Variants in SAMMSON observed in about 807,000 individuals in gnomAD.
SAMMSON encodes the protein long intergenic non-protein coding RNA 1212.
chr3:70,030,784 A>G (rs1339996266), intron 3 of SAMMSON: 1 of 152,238 alleles, frequency 6.6e-6, no homozygotes, highest in African/African-American at 2.4e-5. Context: ...TACACATATG[A>G]AAAGATGCTC....
At chr3:70,178,924 C>G (rs1012367081) in intron 4 of SAMMSON, among the ~76,000 whole-genome samples, 1 of 152,048 alleles carries the variant, frequency 6.6e-6, no homozygotes, top group Non-Finnish European at 1.5e-5. Context: ...TCACTTGAGC[C>G]CAGGAGGTCG....
chr3:70,011,679 C>G (rs915642890), intron 1 of SAMMSON, among the ~76,000 whole-genome samples: 1 of 150,750 alleles, frequency 6.6e-6, no homozygotes, highest in Non-Finnish European at 1.5e-5. Flanking sequence ...TATTTCAGTT[C>G]CATTTCTCTG....
At chr3:70,405,814 A>G (rs1701174141) in intron 2 of SAMMSON, among the ~76,000 whole-genome samples, 2 of 152,212 alleles carry the variant, frequency 1.3e-5, no homozygotes, top group African/African-American at 2.4e-5. Context: ...TTCACGTTTT[A>G]TGAGACTATA....
intron 2 of SAMMSON, among the ~76,000 whole-genome samples, chr3:70,415,676 A>G (rs1701259203): frequency 6.6e-6 from 1 of 152,126 alleles, no homozygotes; most frequent in South Asian, 2.1e-4. Context: ...TCAAATTTCA[A>G]ATTTTCTTTA....
At chr3:70,377,152 G>A (rs537661125) in intron 9 of SAMMSON, among the ~76,000 whole-genome samples, 49 of 152,038 alleles carry the variant, frequency 3.2e-4, no homozygotes, top group African/African-American at 1.1e-3. Flanking sequence ...TTTAAAAGGC[G>A]AAATAATCTG....
At position 70,341,509 on chromosome 3, in the gene SAMMSON, C is replaced by G. The variant is rs1211156241; in HGVS notation, n.740-12666C>G. On this transcript the variant is annotated intron_variant and non_coding_transcript_variant, in intron 7 of 9. Coordinates refer to ENST00000642114, the Ensembl canonical transcript of SAMMSON. ...ATCAGGATAAAATAATCTTCTTCCCCTTGACCACTGATGGTTTAAGATTGG... is the reference window on the plus strand; with the variant it reads ...ATCAGGATAAAATAATCTTCTTCCCGTTGACCACTGATGGTTTAAGATTGG... Among the ~76,000 whole-genome samples the G allele has an allele frequency of 4.6e-5, 7 of 152,146 alleles. No homozygotes were observed. In the East Asian group the frequency reaches 1.3e-3, roughly 29 times the overall value.
intron 4 of SAMMSON, among the ~76,000 whole-genome samples, chr3:70,073,750 T>A (rs1002221089): frequency 6.6e-6 from 1 of 152,054 alleles, no homozygotes; most frequent in African/African-American, 2.4e-5. Flanking sequence ...AGTCTAACAT[T>A]ATTTAGAAAG....
intron 6 of SAMMSON, among the ~76,000 whole-genome samples, chr3:70,257,729 A>T (rs1380562551): frequency 6.6e-6 from 1 of 152,200 alleles, no homozygotes; most frequent in Admixed American, 6.5e-5. Flanking sequence ...TAGCATGACA[A>T]TCCTCTGCCA....
At chr3:70,154,649 G>A (rs984754121) in intron 4 of SAMMSON, among the ~76,000 whole-genome samples, 1 of 152,078 alleles carries the variant, frequency 6.6e-6, no homozygotes, top group African/African-American at 2.4e-5. Context: ...GAATGGCCTT[G>A]AACATCAGTC....
intron 2 of SAMMSON, among the ~76,000 whole-genome samples, chr3:70,400,148 T>C (rs1384098489): frequency 1.8e-4 from 28 of 152,294 alleles, no homozygotes; most frequent in African/African-American, 6.5e-4. Flanking sequence ...AAAATACATG[T>C]AATCAAGAAA....
chr3:70,335,408 A>G (rs1189966387), intron 7 of SAMMSON, among the ~76,000 whole-genome samples: 1 of 152,032 alleles, frequency 6.6e-6, no homozygotes, highest in African/African-American at 2.4e-5. Context: ...TTTATAATAT[A>G]CCAGCACACA....
intron 3 of SAMMSON, among the ~76,000 whole-genome samples, chr3:70,038,992 A>G (rs2067096416): frequency 6.6e-6 from 1 of 152,140 alleles, no homozygotes; most frequent in South Asian, 2.1e-4. Flanking sequence ...AGCCTGAGAC[A>G]GGGATGTGGT....
At chr3:70,411,040 C>G (rs1441182989) in intron 2 of SAMMSON, among the ~76,000 whole-genome samples, 1 of 152,116 alleles carries the variant, frequency 6.6e-6, no homozygotes, top group Admixed American at 6.5e-5. Flanking sequence ...GCACAACCGA[C>G]CATCCTTTTA....
At chr3:70,152,112 A>G (rs562947081) in intron 4 of SAMMSON, among the ~76,000 whole-genome samples, 2 of 152,098 alleles carry the variant, frequency 1.3e-5, no homozygotes, top group Admixed American at 6.6e-5. Flanking sequence ...GAGTAAAAAT[A>G]TTTATAAAAT....
At chr3:70,206,743 C>G in intron 4 of SAMMSON, 1 of 397,778 alleles carries the variant, frequency 2.5e-6, no homozygotes, top group East Asian at 3.6e-5. Flanking sequence ...ATAACAATAG[C>G]ATTAATGGGT....
chr3:70,206,910 A>G (rs1218879078), intron 4 of SAMMSON: 1 of 394,596 alleles, frequency 2.5e-6, no homozygotes, highest in Admixed American at 4.4e-5. Context: ...AAGAAAACAA[A>G]TGAAGTATTA....
In SAMMSON at chr3:70,215,329, C is replaced by T. The variant is rs756574027; in HGVS notation, n.508-33778C>T. Among the ~76,000 whole-genome samples the T allele has an allele frequency of 4.6e-4, 70 of 152,136 alleles. 1 individual carries two copies. The Middle Eastern group carries it at 0.01, about 22-fold the overall frequency. Reference sequence around the variant, plus strand: ...CCTATGGCAGTCAGACTTTGCATTTCGAAACTGCTTCAGAAACGAAGCACT... The same window carrying T: ...CCTATGGCAGTCAGACTTTGCATTTTGAAACTGCTTCAGAAACGAAGCACT... On this transcript the variant is annotated intron_variant and non_coding_transcript_variant, in intron 4 of 9. Transcript: ENST00000642114.
intron 4 of SAMMSON, among the ~76,000 whole-genome samples, chr3:70,170,887 T>C (rs1700938016): frequency 6.6e-6 from 1 of 151,926 alleles, no homozygotes; most frequent in African/African-American, 2.4e-5. Flanking sequence ...CATTTTGTTG[T>C]AGGAAATATT....
intron 2 of SAMMSON, among the ~76,000 whole-genome samples, chr3:70,399,070 G>A (rs1359566906): frequency 6.6e-6 from 1 of 152,254 alleles, no homozygotes; most frequent in African/African-American, 2.4e-5. Flanking sequence ...TTTAGTCAGA[G>A]AAATTTACAA....
Sources: gnomAD v4.1 joint callset for allele counts (sites outside exome capture counted in the v4.1 genomes callset) on GRCh38, gnomAD v4.1.1 for gene constraint, MANE v1.5 for transcripts, NCBI Gene and HGNC (gene_info 2026-07-23, HGNC 2026-07-21) for gene names.